The following VRK3 variants were observed in gnomAD, a reference collection of about 807,000 sequenced individuals.
VRK3 encodes the protein serine/threonine-protein kinase VRK3.
In VRK3, 50 loss-of-function variants were observed where a neutral mutation model predicts 60.4. The observed-to-expected ratio is 0.83, with a 90% CI of 0.66 to 1.05. VRK3 has a LOEUF of 1.05. VRK3 is among the 50% of genes least tolerant of loss of function. The pLI, the probability that VRK3 is intolerant of heterozygous loss-of-function variation, is 0.00. For missense variants in VRK3, 549 were observed against 585.3 expected, an observed-to-expected ratio of 0.94 and a Z score of 0.64; for synonymous variants, 246 against 227.8, an observed-to-expected ratio of 1.08 and a Z score of -0.72.
rs72395603 is a variant in VRK3, at chr19:49,991,535, GCA to G, written c.963+1323_963+1324del. ...TAAATCTCTACACACACACACACAC[GCA>G]CACACACACACACCCTGCCAGTTCT... On this transcript the variant is annotated intron_variant, in intron 10 of 14. Transcript: ENST00000316763. 2.2e-4 allele frequency among the ~76,000 whole-genome samples: 33 copies of G among 149,708 alleles called. No homozygotes were observed. The South Asian group carries it at 6.3e-3, about 29-fold the overall frequency.
intron 1 of VRK3, among the ~76,000 whole-genome samples, chr19:50,020,867 C>T (rs1482068455): frequency 6.6e-6 from 1 of 152,342 alleles, no homozygotes; most frequent in South Asian, 2.1e-4. Flanking sequence ...AGGATGCGCA[C>T]GTTCTGGTGG....
intron 2 of VRK3, among the ~76,000 whole-genome samples, chr19:50,018,310 C>T (rs1235673335): frequency 6.6e-6 from 1 of 152,222 alleles, no homozygotes; most frequent in Non-Finnish European, 1.5e-5. Context: ...ATATTCCAGT[C>T]ATTAATATTT....
Position 49,979,144 on chromosome 19 carries a change from C to G in VRK3, c.1375G>C (p.Asp459His), listed in dbSNP as rs554963330. 2 of 1,613,960 alleles carry G rather than the reference C, an allele frequency of 1.2e-6. No individual in the cohort carries two copies. Among genetic ancestry groups the G allele is most frequent in the Admixed American group, 1.7e-5 (1 of 59,992 alleles). The stretch of plus-strand genomic sequence containing the variant: ...GGGTCATATGGAGACACACGCAGAT[C>G]CTGCAGCAAAGCTTCTAGGTTGTTC... ...LRNNLEALLQ[D>H]LRVSPYDPIG... Residue 459 changes from aspartate to histidine, a missense_variant, in exon 14 of 15, where the codon GAT (aspartate) becomes CAT (histidine). Physicochemically the swap from Asp to His is moderately conservative, Grantham distance 81. Transcript: ENST00000316763.
At chr19:49,990,393 C>T (rs1021588287) in intron 10 of VRK3, among the ~76,000 whole-genome samples, 4 of 152,130 alleles carry the variant, frequency 2.6e-5, no homozygotes, top group African/African-American at 9.7e-5. Flanking sequence ...AAAATATCTA[C>T]TTATTTATTT....
chr19:50,007,460 G>A, intron 5 of VRK3, 109 bp downstream of exon 5: 1 of 1,511,628 alleles, frequency 6.6e-7, no homozygotes, highest in South Asian at 1.2e-5. Flanking sequence ...CTAGCGACAG[G>A]TCTGCAGCTA....
At chr19:49,988,196 A>G in intron 12 of VRK3, 176 bp downstream of exon 12, 1 of 963,288 alleles carries the variant, frequency 1.0e-6, no homozygotes, top group Non-Finnish European at 1.4e-6. Context: ...GCTCCGGAAC[A>G]CCTGCCTCGC....
intron 1 of VRK3, among the ~76,000 whole-genome samples, chr19:50,022,912 G>C (rs1229484748): frequency 6.6e-6 from 1 of 152,116 alleles, no homozygotes; most frequent in Non-Finnish European, 1.5e-5. Flanking sequence ...CATGGCCCAG[G>C]AGCCCCCTGT....
At chr19:50,006,238 A>T (rs1451693452) in intron 5 of VRK3, among the ~76,000 whole-genome samples, 1 of 151,306 alleles carries the variant, frequency 6.6e-6, no homozygotes, top group African/African-American at 2.4e-5. Context: ...TGAACCTAGG[A>T]GGTGGAGGTT....
At chr19:49,980,624 C>G (rs947622063) in intron 13 of VRK3, among the ~76,000 whole-genome samples, 1 of 151,406 alleles carries the variant, frequency 6.6e-6, no homozygotes, top group Non-Finnish European at 1.5e-5. Context: ...GGCTGAGGCA[C>G]GAGAATTGCT....
intron 7 of VRK3, among the ~76,000 whole-genome samples, chr19:49,995,491 G>A (rs1201533494): frequency 6.6e-6 from 1 of 152,202 alleles, no homozygotes; most frequent in Non-Finnish European, 1.5e-5. Context: ...TGCAGGTGAT[G>A]GGGTGATCAT....
intron 2 of VRK3, chr19:50,019,263 C>T (rs1281263114): frequency 5.3e-5 from 8 of 150,980 alleles, no homozygotes; most frequent in Admixed American, 2.6e-4. Flanking sequence ...AGTGCAGTCG[C>T]GCGATCTCGG....
At chr19:50,001,893 G>A (rs1401099023) in intron 5 of VRK3, among the ~76,000 whole-genome samples, 2 of 152,054 alleles carry the variant, frequency 1.3e-5, no homozygotes, top group Non-Finnish European at 2.9e-5. Flanking sequence ...GCTGGCAGGA[G>A]TAAGAGCAGC....
At chr19:50,000,652 C>T (rs1156566945) in intron 6 of VRK3, 138 bp downstream of exon 6, 6 of 1,002,558 alleles carry the variant, frequency 6.0e-6, no homozygotes, top group African/African-American at 4.9e-5. Flanking sequence ...GCCCCGCCCA[C>T]GGTCTTAATA....
At position 49,980,950 on chromosome 19, in the gene VRK3, C is replaced by T. The variant is rs371231780; in HGVS notation, c.1276+5G>A. The T allele has an allele frequency of 3.2e-4, 508 of 1,608,530 alleles. 1 individual carries two copies. Among genetic ancestry groups the T allele is most frequent in the Non-Finnish European group, 3.9e-4 (463 of 1,177,438 alleles). On this transcript the variant is annotated splice_donor_5th_base_variant and intron_variant, in intron 13 of 14. Coordinates refer to ENST00000316763, the MANE Select transcript of VRK3 (RefSeq NM_016440.4). Reference sequence around the variant, plus strand: ...CCGCCTGTTCCCGCTCCCTTCAGGACGTACCTGAGGGCCTGATCCAGTGAC... The same window carrying T: ...CCGCCTGTTCCCGCTCCCTTCAGGATGTACCTGAGGGCCTGATCCAGTGAC...
chr19:49,981,287 C>T (rs1600648539), intron 12 of VRK3: 1 of 451,620 alleles, frequency 2.2e-6, no homozygotes, highest in Admixed American at 3.7e-5. Context: ...TGGCTCACGC[C>T]TGTAATCCCA....
Position 50,009,286 on chromosome 19 carries a change from C to T in VRK3, c.239G>A (p.Gly80Asp). The change falls in exon 4 of 15, where the codon GGT becomes GAT. Residue 80 changes from glycine to aspartate, a missense_variant. By Grantham distance (94) the Gly-to-Asp change is moderately conservative (BLOSUM62 -1). Transcript: ENST00000316763. Reference protein sequence around the residue: ...TSPRLSLFSDGDSSESEDTLS... With the variant: ...TSPRLSLFSDDDSSESEDTLS... Reference sequence around the variant, plus strand: ...AGTATCTTCAGACTCAGAACTGTCACCATCTGAGAAGAGGGATAATCGGGG... The same window carrying T: ...AGTATCTTCAGACTCAGAACTGTCATCATCTGAGAAGAGGGATAATCGGGG... 2 of 1,614,162 alleles carry T rather than the reference C, an allele frequency of 1.2e-6. No homozygotes were observed. The highest frequency in any genetic ancestry group is 1.7e-6 in the Non-Finnish European group (2 of 1,180,008).
chr19:49,977,969 CGTT>C (rs2122976158), intron 14 of VRK3, among the ~76,000 whole-genome samples: 1 of 152,238 alleles, frequency 6.6e-6, no homozygotes, highest in South Asian at 2.1e-4. Flanking sequence ...TGTAAGGAAA[CGTT>C]GTGGGAATGC....
At position 49,988,233 on chromosome 19, in the gene VRK3, C is replaced by T. The variant is rs185473228; in HGVS notation, c.1217+139G>A. The T allele has an allele frequency of 3.7e-3, 5,008 of 1,347,722 alleles. 5 individuals carry two copies. Among genetic ancestry groups the T allele is most frequent in the Non-Finnish European group, 4.4e-3 (4,461 of 1,004,176 alleles). 83.5% of individuals were successfully genotyped at this position (1,347,722 alleles called of 1,614,324 possible). A position where few individuals can be genotyped will look rare whatever the true frequency, so the allele number is the denominator to read the frequency against. On this transcript the variant is annotated intron_variant, in intron 12 of 14. Coordinates refer to ENST00000316763, the MANE Select transcript of VRK3 (RefSeq NM_016440.4). ...TGCTGTGTGGACACTGCAGCACATG[C>T]CTGTGCGGCTCAGAGGACTTGGGCT...
In VRK3 at chr19:50,014,953, C is replaced by T. The variant is rs568373915; in HGVS notation, c.139+1071G>A. On this transcript the variant is annotated intron_variant, in intron 3 of 14. Coordinates refer to ENST00000316763, the MANE Select transcript of VRK3 (RefSeq NM_016440.4). ...GTGAGGACCAGGGATGTGGGAGGTG[C>T]GGAGAAGGAAGTGGGCTGATACTGC... Among the ~76,000 whole-genome samples the T allele has an allele frequency of 2.6e-5, 4 of 151,996 alleles. No individual in the cohort carries two copies. In the East Asian group the frequency reaches 5.8e-4, roughly 22 times the overall value.
Sources: gnomAD v4.1 joint callset for allele counts (sites outside exome capture counted in the v4.1 genomes callset) on GRCh38, gnomAD v4.1.1 for gene constraint, MANE v1.5 for transcripts, NCBI Gene and HGNC (gene_info 2026-07-23, HGNC 2026-07-21) for gene names.